The following PCDHGB3 variants were observed in gnomAD, a reference collection of about 807,000 sequenced individuals.
The protein encoded by PCDHGB3 is protocadherin gamma subfamily B, 3.
In PCDHGB3, 40 loss-of-function variants were observed where a neutral mutation model predicts 59.2. That is an observed-to-expected ratio of 0.68 (90% CI 0.52 to 0.88). The LOEUF (loss-of-function observed/expected upper bound fraction) is 0.88. Among genes scored for constraint, PCDHGB3 ranks in the 40% least tolerant of loss-of-function variants. The probability of loss-of-function intolerance (pLI) is 0.00; values close to 1 mark genes in which losing one functional copy is unlikely to be tolerated. For missense variants in PCDHGB3, 1,309 were observed against 1,187.9 expected, an observed-to-expected ratio of 1.10 and a Z score of -1.50; for synonymous variants, 581 against 503.6, an observed-to-expected ratio of 1.15 and a Z score of -2.06.
In PCDHGB3 at chr5:141,477,813, A is replaced by T; in HGVS notation, c.2416-16994A>T. ...ACTGATCGCAATGACAATGCCCCCC[A>T]GGTCCTATATCCTCGGCCAGGTGGG... On this transcript the variant is annotated intron_variant, in intron 1 of 3. Coordinates refer to ENST00000576222, the MANE Select transcript of PCDHGB3 (RefSeq NM_018924.5). The surrounding 1 kb of genome is among the most constrained non-coding windows in gnomAD (Gnocchi z 4.9). The T allele has an allele frequency of 6.2e-7, 1 of 1,614,122 alleles. No homozygotes were observed. The highest frequency in any genetic ancestry group is 1.1e-5 in the South Asian group (1 of 91,084).
At chr5:141,497,272 T>G (rs568198729) in intron 2 of PCDHGB3, among the ~76,000 whole-genome samples, 20 of 152,254 alleles carry the variant, frequency 1.3e-4, no homozygotes, top group African/African-American at 4.3e-4. Flanking sequence ...CTAGGCCATT[T>G]ATGTTCCCTC....
chr5:141,394,145 C>A, intron 1 of PCDHGB3: 1 of 1,613,962 alleles, frequency 6.2e-7, no homozygotes, highest in Non-Finnish European at 8.5e-7. Flanking sequence ...ACGTGGCAGA[C>A]ATTAACGACA....
Position 141,408,446 on chromosome 5 carries a change from G to A in PCDHGB3, c.2415+35637G>A, listed in dbSNP as rs371079756. 1.7e-5 allele frequency: 28 copies of A among 1,613,946 alleles called. No individual in the cohort carries two copies. Among genetic ancestry groups the A allele is most frequent in the Non-Finnish European group, 1.1e-5 (13 of 1,179,916 alleles). On this transcript the variant is annotated intron_variant, in intron 1 of 3. Transcript: ENST00000576222. ...GCACTTCAGCGTAGACGCGGAGAGC[G>A]GGGACTTACTTGTGAAGAACCGAAT...
chr5:141,476,328 G>C lies in PCDHGB3; in HGVS notation c.2416-18479G>C, dbSNP rs1381722714. On this transcript the variant is annotated intron_variant, in intron 1 of 3. Coordinates refer to ENST00000576222, the MANE Select transcript of PCDHGB3 (RefSeq NM_018924.5). This position sits in a 1 kb window ranked among gnomAD's most constrained non-coding sequence, Gnocchi z 7.6. Reference sequence around the variant, plus strand: ...GCCCGCAGGTTCCGGGTGGTGTCTGGAGCTAGCCGAAGATTCTTTGAGGTG... The same window carrying C: ...GCCCGCAGGTTCCGGGTGGTGTCTGCAGCTAGCCGAAGATTCTTTGAGGTG... 1 of 1,614,176 alleles carries C rather than the reference G, an allele frequency of 6.2e-7. No individual in the cohort carries two copies. Among genetic ancestry groups the C allele is most frequent in the East Asian group, 2.2e-5 (1 of 44,864 alleles).
In PCDHGB3 at chr5:141,489,515, G is replaced by A. The variant is rs983415025; in HGVS notation, c.2416-5292G>A. On this transcript the variant is annotated intron_variant, in intron 1 of 3. Coordinates refer to ENST00000576222, the MANE Select transcript of PCDHGB3 (RefSeq NM_018924.5). The surrounding 1 kb of genome is among the most constrained non-coding windows in gnomAD (Gnocchi z 4.5). ...CTGGCAGTGAATCAAAAGATTGACC[G>A]AGAAAGCCTATGTGGAGCCAGCACC... 2 of 1,614,104 alleles carry A rather than the reference G, an allele frequency of 1.2e-6. No homozygotes were observed. Among genetic ancestry groups the A allele is most frequent in the Non-Finnish European group, 8.5e-7 (1 of 1,180,034 alleles).
In PCDHGB3 at chr5:141,374,282, G is replaced by A. The variant is rs753347582; in HGVS notation, c.2415+1473G>A. 7 of 1,613,854 alleles carry A rather than the reference G, an allele frequency of 4.3e-6. No individual in the cohort carries two copies. In the East Asian group the frequency reaches 8.9e-5, roughly 21 times the overall value. On this transcript the variant is annotated intron_variant, in intron 1 of 3. Transcript: ENST00000576222. ...GTTGGCGGAGCACGGAGTCCGCATC[G>A]TCTCCAGAGGTAGGATGCAGCTTTT...
intron 1 of PCDHGB3, among the ~76,000 whole-genome samples, chr5:141,401,891 T>C (rs1196463391): frequency 6.6e-6 from 1 of 152,200 alleles, no homozygotes; most frequent in Non-Finnish European, 1.5e-5. Context: ...TTTTGTGTTC[T>C]TTTTCCCAAA....
At position 141,485,614 on chromosome 5, in the gene PCDHGB3, T is replaced by G; in HGVS notation, c.2416-9193T>G. 1 of 1,612,236 alleles carries G rather than the reference T, an allele frequency of 6.2e-7. No individual in the cohort carries two copies. Among genetic ancestry groups the G allele is most frequent in the Non-Finnish European group, 8.5e-7 (1 of 1,178,686 alleles). On this transcript the variant is annotated intron_variant, in intron 1 of 3. Transcript: ENST00000576222. The surrounding 1 kb of genome is among the most constrained non-coding windows in gnomAD (Gnocchi z 5.7). ...ACTTGGAAATTGGGGAGGCAGCTCC[T>G]CCAGGACAGCGTTTCCCGTTGGAAA...
intron 1 of PCDHGB3, chr5:141,382,884 G>C: frequency 6.5e-7 from 1 of 1,529,218 alleles, no homozygotes; most frequent in South Asian, 1.3e-5. Flanking sequence ...GCCTAAGCAA[G>C]AGAAGCAGGA....
At chr5:141,426,398 C>A (rs1264385461) in intron 1 of PCDHGB3, 3 of 257,270 alleles carry the variant, frequency 1.2e-5, no homozygotes, top group Non-Finnish European at 2.3e-5. Context: ...TACTCTATTC[C>A]AGAAGAAACG....
intron 3 of PCDHGB3, among the ~76,000 whole-genome samples, chr5:141,510,369 C>G (rs1403924479): frequency 7.1e-6 from 1 of 140,308 alleles, no homozygotes; most frequent in Non-Finnish European, 1.6e-5. Context: ...TACCGAATCT[C>G]TACTCGTGCC....
intron 1 of PCDHGB3, chr5:141,409,281 C>A (rs1238898498): frequency 6.2e-7 from 1 of 1,613,874 alleles, no homozygotes; most frequent in Non-Finnish European, 8.5e-7. Flanking sequence ...TTGGAGAATT[C>A]ACCTCCAGGA....
intron 1 of PCDHGB3, chr5:141,430,824 C>T: frequency 6.5e-7 from 1 of 1,547,704 alleles, no homozygotes; most frequent in Non-Finnish European, 8.7e-7. Flanking sequence ...CTCCTGGGGA[C>T]TCTGTGGGAG....
intron 1 of PCDHGB3, chr5:141,405,510 C>T: frequency 1.4e-6 from 1 of 732,922 alleles, no homozygotes; most frequent in Non-Finnish European, 2.2e-6. Context: ...ACCTCCGCCT[C>T]CCAAATTCAA....
In PCDHGB3 at chr5:141,383,217, T is replaced by C. The variant is rs367646444; in HGVS notation, c.2415+10408T>C. The stretch of plus-strand genomic sequence containing the variant: ...AGAGTGCGCGGTGTCTGGTAAACTT[T>C]AACATCCTGATGGAAGATAAAATGA... On this transcript the variant is annotated intron_variant, in intron 1 of 3. Coordinates refer to ENST00000576222, the MANE Select transcript of PCDHGB3 (RefSeq NM_018924.5). 8.1e-6 allele frequency: 13 copies of C among 1,613,876 alleles called. 1 individual carries two copies. The Admixed American group carries it at 1.0e-4, about 12-fold the overall frequency.
chr5:141,399,672 C>T (rs1322373656), intron 1 of PCDHGB3: 1 of 1,613,510 alleles, frequency 6.2e-7, no homozygotes, highest in Admixed American at 1.7e-5. Context: ...CGCAGCGCGC[C>T]TTTGACTACG....
chr5:141,422,260 G>A, intron 1 of PCDHGB3: 1 of 1,564,392 alleles, frequency 6.4e-7, no homozygotes, highest in South Asian at 1.2e-5. Context: ...GAATGATAAC[G>A]CTCCAGAAAT....
At chr5:141,478,683 C>G (rs1355955377) in intron 1 of PCDHGB3, 14 of 1,551,164 alleles carry the variant, frequency 9.0e-6, no homozygotes, top group African/African-American at 1.4e-5. Flanking sequence ...CTGGCCCTTC[C>G]TAGATCAAAG....
chr5:141,389,101 C>G, intron 1 of PCDHGB3: 1 of 1,614,030 alleles, frequency 6.2e-7, no homozygotes, highest in Non-Finnish European at 8.5e-7. Flanking sequence ...GTGACAGATG[C>G]TGTTCTAGAC....
Sources: gnomAD v4.1 joint callset for allele counts (sites outside exome capture counted in the v4.1 genomes callset) on GRCh38, gnomAD v4.1.1 for gene constraint, Gnocchi (gnomAD v3.1) non-coding constraint, MANE v1.5 for transcripts, NCBI Gene and HGNC (gene_info 2026-07-23, HGNC 2026-07-21) for gene names.